CASC3: variants seen among roughly 807,000 people sequenced by gnomAD.
CASC3 encodes CASC3 exon junction complex subunit, also known as protein CASC3.
Under a neutral mutation model 80.5 loss-of-function variants are expected in CASC3, and 30 were observed. The ratio of observed to expected loss-of-function variants is 0.37; its 90% CI spans 0.28 to 0.51. CASC3 has a LOEUF of 0.51. Among genes scored for constraint, CASC3 ranks in the 20% least tolerant of loss-of-function variants. CASC3 has a pLI of 0.94. For synonymous variants in CASC3, 312 were observed against 333.6 expected, an observed-to-expected ratio of 0.94 and a Z score of 0.70; for missense variants, 824 against 922.2, an observed-to-expected ratio of 0.89 and a Z score of 1.38.
intron 5 of CASC3, 43 bp downstream of exon 5, chr17:40,162,196 C>T (rs756270375): frequency 6.3e-7 from 1 of 1,581,024 alleles, no homozygotes; most frequent in Non-Finnish European, 8.6e-7. Context: ...ATGTATTTTA[C>T]ACATGTAGGC....
At position 40,163,506 on chromosome 17, in the gene CASC3, C is replaced by G. The variant is rs1989360095; in HGVS notation, c.811C>G (p.Pro271Ala). Residue 271 changes from proline (P) to alanine (A), a missense_variant, in exon 7 of 14, where the codon CCA (proline) becomes GCA (alanine). Coordinates refer to ENST00000264645, the MANE Select transcript of CASC3 (RefSeq NM_007359.5). ...PRYGSPPQRD[P>A]NWNGERLNKS... ...ATATGGGAGTCCTCCACAAAGAGAT[C>G]CAAACTGGAACGGTGAGCGGCTAAA... 1 of 1,612,658 alleles carries G rather than the reference C, an allele frequency of 6.2e-7. No homozygotes were observed. The highest frequency in any genetic ancestry group is 2.2e-5 in the East Asian group (1 of 44,878).
chr17:40,161,019 GC>G (rs1989283069), intron 3 of CASC3, among the ~76,000 whole-genome samples: 1 of 150,342 alleles, frequency 6.7e-6, no homozygotes. Flanking sequence ...TTGCTCTGTC[GC>G]CCAGGCTGAA....
rs1157343517 is a variant in CASC3, at chr17:40,163,886, G to A, written c.1191G>A (p.Arg397=). Reference sequence around the variant, plus strand: ...ATGCTGCACCACCACCCCCTGATAGGCCCATTGAGAAGAAATCCTATTCCC... The same window carrying A: ...ATGCTGCACCACCACCCCCTGATAGACCCATTGAGAAGAAATCCTATTCCC... ...APDAAPPPPD[R]PIEKKSYSRA... Residue 397 remains arginine (R), a synonymous_variant, in exon 7 of 14, where the codon AGG becomes AGA. Coordinates refer to ENST00000264645, the MANE Select transcript of CASC3 (RefSeq NM_007359.5). The A allele has an allele frequency of 6.2e-7, 1 of 1,614,088 alleles. No homozygotes were observed. The highest frequency in any genetic ancestry group is 1.1e-5 in the South Asian group (1 of 91,078).
rs887791112 is a variant in CASC3, at chr17:40,141,268, G to T, written c.259+34G>T. The T allele has an allele frequency of 3.1e-6, 5 of 1,594,100 alleles. No individual in the cohort carries two copies. The African/African-American group carries it at 6.8e-5, about 22-fold the overall frequency. On this transcript the variant is annotated intron_variant, in intron 2 of 13. Transcript: ENST00000264645. ...CATCTTTTACCCCATTAGGACAAGA[G>T]TTTTTTTTAACATAAACTCAGGTCA...
chr17:40,157,445 G>C (rs1475040800), intron 3 of CASC3, among the ~76,000 whole-genome samples: 1 of 152,158 alleles, frequency 6.6e-6, no homozygotes, highest in Non-Finnish European at 1.5e-5. Context: ...GGAGGCCGAG[G>C]TGGGCGGCTT....
Position 40,171,203 on chromosome 17 carries a change from T to G in CASC3, c.*798T>G. On this transcript the variant is annotated 3_prime_UTR_variant, in exon 14 of 14. Transcript: ENST00000264645. ...CAATACCTGTACTATGATGGGCTTC[T>G]GTTCTCTGCTGAGGGCCAATACCCT... is the stretch of plus-strand genomic sequence containing the variant. 7 of 986,000 alleles carry G rather than the reference T, an allele frequency of 7.1e-6. No homozygotes were observed. Among genetic ancestry groups the G allele is most frequent in the Non-Finnish European group, 8.4e-6 (7 of 829,932 alleles). The allele number at this position is 986,000 out of a possible 1,614,324, so 61.1% of individuals were successfully genotyped here. A position where few individuals can be genotyped will look rare whatever the true frequency, so the allele number is the denominator to read the frequency against.
intron 3 of CASC3, among the ~76,000 whole-genome samples, chr17:40,144,119 C>T (rs1036892008): frequency 1.3e-5 from 2 of 151,194 alleles, no homozygotes; most frequent in African/African-American, 2.4e-5. Flanking sequence ...ATTAAGTAGG[C>T]GTGGTGGCAG....
In CASC3 at chr17:40,171,216, G is replaced by A; in HGVS notation, c.*811G>A. ...ATGATGGGCTTCTGTTCTCTGCTGAGGGCCAATACCCTACTGTGGGGAGAG... is the reference window on the plus strand; with the variant it reads ...ATGATGGGCTTCTGTTCTCTGCTGAAGGCCAATACCCTACTGTGGGGAGAG... On this transcript the variant is annotated 3_prime_UTR_variant, in exon 14 of 14. Coordinates refer to ENST00000264645, the MANE Select transcript of CASC3 (RefSeq NM_007359.5). The A allele has an allele frequency of 1.0e-6, 1 of 985,938 alleles. No homozygotes were observed. The highest frequency in any genetic ancestry group is 1.2e-6 in the Non-Finnish European group (1 of 829,946). The allele number at this position is 985,938 out of a possible 1,614,324, so 61.1% of individuals were successfully genotyped here. A position where few individuals can be genotyped will look rare whatever the true frequency, so the allele number is the denominator to read the frequency against.
At chr17:40,150,593 G>T (rs187460051) in intron 3 of CASC3, among the ~76,000 whole-genome samples, 9 of 152,194 alleles carry the variant, frequency 5.9e-5, no homozygotes, top group Non-Finnish European at 5.9e-5. Flanking sequence ...TCTAGAGAGA[G>T]AAGAAAGTGA....
intron 7 of CASC3, among the ~76,000 whole-genome samples, chr17:40,164,792 G>A (rs1477367733): frequency 2.1e-5 from 2 of 96,332 alleles, no homozygotes; most frequent in African/African-American, 8.6e-5. Flanking sequence ...GACTTGCTCT[G>A]TTGCCCAGGC....
chr17:40,168,308 CTACT>C lies in CASC3; in HGVS notation c.1862_1865del (p.Tyr621PhefsTer7). The C allele has an allele frequency of 6.2e-7, 1 of 1,614,154 alleles. No individual in the cohort carries two copies. The highest frequency in any genetic ancestry group is 8.5e-7 in the Non-Finnish European group (1 of 1,180,014). On this transcript the variant is annotated frameshift_variant, in exon 11 of 14. Coordinates refer to ENST00000264645, the MANE Select transcript of CASC3 (RefSeq NM_007359.5). LOFTEE classifies it high-confidence loss of function. ...CCACCACCTCAGCAGTTGCTTGCTC[CTACT>C]TACTTTTCTGCTCCAGGCGTCATGA... is the stretch of plus-strand genomic sequence containing the variant.
At chr17:40,168,137 C>A (rs1989499010) in intron 10 of CASC3, 66 bp from the exon 11 acceptor site, 3 of 1,460,518 alleles carry the variant, frequency 2.1e-6, no homozygotes, top group Non-Finnish European at 2.9e-6. Flanking sequence ...ACTGAGCAGT[C>A]CAGCCGGGCC....
chr17:40,142,901 A>C (rs1433905133), intron 3 of CASC3, among the ~76,000 whole-genome samples: 1 of 144,166 alleles, frequency 6.9e-6, no homozygotes. Context: ...ACTCCGTCTC[A>C]AAAAAAAAAA....
chr17:40,167,802 C>T (rs1341688531), intron 9 of CASC3, 48 bp from the exon 10 acceptor site: 2 of 1,517,772 alleles, frequency 1.3e-6, no homozygotes, highest in Admixed American at 1.7e-5. Flanking sequence ...GAGACTTGTC[C>T]ATGTGAAGAG....
In CASC3 at chr17:40,167,874, C is replaced by T; in HGVS notation, c.1676C>T (p.Thr559Ile). 4 of 1,614,114 alleles carry T rather than the reference C, an allele frequency of 2.5e-6. No individual in the cohort carries two copies. The highest frequency in any genetic ancestry group is 2.7e-5 in the African/African-American group (2 of 75,026). Residue 559 changes from threonine (T) to isoleucine (I), a missense_variant, in exon 10 of 14, where the codon ACC (threonine) becomes ATC (isoleucine). Physicochemically the swap from Thr to Ile is moderately conservative, Grantham distance 89 (BLOSUM62 -1). Transcript: ENST00000264645. The part of the protein sequence containing the change: ...DPLQFQGPIY[T>I]HGDSPAPLPP... Reference sequence around the variant, plus strand: ...GTGCAGTTCCAGGGACCAATCTATACCCATGGTGACAGCCCTGCCCCGCTG... The same window carrying T: ...GTGCAGTTCCAGGGACCAATCTATATCCATGGTGACAGCCCTGCCCCGCTG...
chr17:40,141,304 A>G (rs113165209), intron 2 of CASC3, 70 bp downstream of exon 2: 145 of 1,338,918 alleles, frequency 1.1e-4, no homozygotes, highest in Middle Eastern at 9.7e-4. Context: ...TCTATTTCCA[A>G]CATCGACATT....
intron 7 of CASC3, among the ~76,000 whole-genome samples, chr17:40,166,570 T>C (rs1222060386): frequency 1.3e-5 from 2 of 152,214 alleles, no homozygotes; most frequent in East Asian, 3.8e-4. Flanking sequence ...AGTCATTTTA[T>C]TTTTCATTTT....
At chr17:40,151,253 C>A (rs1988999701) in intron 3 of CASC3, among the ~76,000 whole-genome samples, 1 of 151,974 alleles carries the variant, frequency 6.6e-6, no homozygotes, top group South Asian at 2.1e-4. Flanking sequence ...GCTCTGTCAC[C>A]CAGTCTGGAG....
chr17:40,168,931 A>C (rs1044622810), intron 11 of CASC3: 1 of 199,704 alleles, frequency 5.0e-6, no homozygotes, highest in African/African-American at 2.4e-5. Flanking sequence ...GTTGTGGTAC[A>C]TCATAGGTGG....
Sources: allele counts gnomAD v4.1 joint callset (sites outside exome capture counted in the v4.1 genomes callset), GRCh38; gene constraint gnomAD v4.1.1; transcripts MANE v1.5; gene names NCBI Gene and HGNC (gene_info 2026-07-23, HGNC 2026-07-21).